SLCO1B3: variants seen among roughly 807,000 people sequenced by gnomAD.
SLCO1B3 encodes the protein solute carrier organic anion transporter family member 1B3.
Under a neutral mutation model 71.8 loss-of-function variants are expected in SLCO1B3, and 72 were observed. The ratio of observed to expected loss-of-function variants is 1.00; its 90% CI spans 0.83 to 1.22. The LOEUF (loss-of-function observed/expected upper bound fraction) is 1.22. Ranked by LOEUF, SLCO1B3 falls within the 50% of genes most tolerant of loss-of-function variation. SLCO1B3 has a pLI of 0.00. For synonymous variants in SLCO1B3, 298 were observed against 278.4 expected (o/e 1.07, Z -0.70); for missense variants, 911 against 819.7 (o/e 1.11, Z -1.36).
intron 3 of SLCO1B3, among the ~76,000 whole-genome samples, chr12:20,847,438 G>A (rs1186413826): frequency 1.3e-5 from 2 of 152,072 alleles, no homozygotes; most frequent in Admixed American, 6.6e-5. Flanking sequence ...CCCTGTGAGG[G>A]TACGAGTAGA....
intron 8 of SLCO1B3, among the ~76,000 whole-genome samples, chr12:20,865,958 A>G (rs1388974281): frequency 6.6e-6 from 1 of 152,082 alleles, no homozygotes; most frequent in Non-Finnish European, 1.5e-5. Flanking sequence ...TCAAGTGTTG[A>G]GAGTATTTAT....
chr12:20,873,636 A>G lies in SLCO1B3; in HGVS notation c.728-1599A>G, dbSNP rs370291479. 8.2e-4 allele frequency among the ~76,000 whole-genome samples: 125 copies of G among 152,340 alleles called. 2 individuals are homozygous for G. In the South Asian group the frequency reaches 0.025, roughly 30 times the overall value. On this transcript the variant is annotated intron_variant, in intron 8 of 15. Coordinates refer to ENST00000381545, the MANE Select transcript of SLCO1B3 (RefSeq NM_019844.4). ...TATTTTACTTTAAGTTCCAGGATAC[A>G]TGTGCAGAATGTACAGGTTTGTTAC...
intron 8 of SLCO1B3, among the ~76,000 whole-genome samples, chr12:20,872,071 C>T (rs1865485020): frequency 6.6e-6 from 1 of 152,010 alleles, no homozygotes; most frequent in Non-Finnish European, 1.5e-5. Context: ...ATCTGTTTTA[C>T]TATGGCTACG....
intron 3 of SLCO1B3, among the ~76,000 whole-genome samples, chr12:20,834,675 G>T (rs924053392): frequency 1.2e-4 from 18 of 151,958 alleles, no homozygotes; most frequent in South Asian, 4.1e-4. Flanking sequence ...CAAGAGGTGG[G>T]TCCCTCAGTC....
chr12:20,827,248 A>G (rs752232572), intron 3 of SLCO1B3, among the ~76,000 whole-genome samples: 1 of 152,218 alleles, frequency 6.6e-6, no homozygotes, highest in Non-Finnish European at 1.5e-5. Flanking sequence ...AATCTAAACA[A>G]TAATGTGAAT....
At chr12:20,845,916 A>AC (rs1864909112) in intron 3 of SLCO1B3, among the ~76,000 whole-genome samples, 3 of 151,614 alleles carry the variant, frequency 2.0e-5, no homozygotes, top group Admixed American at 2.0e-4. Flanking sequence ...GGTGCATAAA[A>AC]ATTTAATCTC....
At chr12:20,885,982 T>C (rs894130886) in intron 13 of SLCO1B3, among the ~76,000 whole-genome samples, 7 of 152,098 alleles carry the variant, frequency 4.6e-5, no homozygotes, top group African/African-American at 1.7e-4. Flanking sequence ...TTCTTCACAA[T>C]GAGGTATTAT....
intron 3 of SLCO1B3, among the ~76,000 whole-genome samples, chr12:20,818,037 A>C (rs1268291059): frequency 6.6e-6 from 1 of 152,102 alleles, no homozygotes; most frequent in African/African-American, 2.4e-5. Flanking sequence ...GAGTATGACT[A>C]GACAGAAGAT....
intron 15 of SLCO1B3, among the ~76,000 whole-genome samples, chr12:20,904,450 G>C (rs752946958): frequency 5.9e-5 from 9 of 152,104 alleles, no homozygotes; most frequent in Admixed American, 2.0e-4. Context: ...TGATGCAAGA[G>C]ATTTGTGCCC....
chr12:20,912,667 G>A (rs1012803022), intron 15 of SLCO1B3, among the ~76,000 whole-genome samples: 2 of 151,642 alleles, frequency 1.3e-5, no homozygotes, highest in Admixed American at 1.3e-4. Context: ...GGGATTACAG[G>A]CCTGCACCCC....
intron 3 of SLCO1B3, among the ~76,000 whole-genome samples, chr12:20,840,030 C>T (rs1049210216): frequency 3.3e-5 from 5 of 152,096 alleles, no homozygotes; most frequent in South Asian, 2.1e-4. Flanking sequence ...ATTTTTATCT[C>T]GGCTTAAATT....
At chr12:20,898,557 A>C (rs1020781084) in intron 14 of SLCO1B3, 57 bp downstream of exon 14, 1 of 769,768 alleles carries the variant, frequency 1.3e-6, no homozygotes, top group African/African-American at 1.8e-5. Flanking sequence ...GTTAAATACT[A>C]AAGACTGAAT....
chr12:20,819,377 C>A (rs1285237827), intron 3 of SLCO1B3, among the ~76,000 whole-genome samples: 1 of 152,124 alleles, frequency 6.6e-6, no homozygotes, highest in Non-Finnish European at 1.5e-5. Flanking sequence ...GTCTGTGAAG[C>A]CTTGTGGCAG....
rs1290037857 is a variant in SLCO1B3 at position 20,854,341 on chromosome 12, A to C, written c.85-687A>C. Among the ~76,000 whole-genome samples, 3 of 151,896 alleles carry C rather than the reference A, an allele frequency of 2.0e-5. No homozygotes were observed. In the East Asian group the frequency reaches 5.8e-4, roughly 29 times the overall value. On this transcript the variant is annotated intron_variant, in intron 3 of 15. Coordinates refer to ENST00000381545, the MANE Select transcript of SLCO1B3 (RefSeq NM_019844.4). Reference sequence around the variant, plus strand: ...TTATGTTACTGTCCATTTTTCCTTCAGTTGTATCTATGTTTGTTTCATATA... The same window carrying C: ...TTATGTTACTGTCCATTTTTCCTTCCGTTGTATCTATGTTTGTTTCATATA...
At chr12:20,886,962 C>G (rs2121324890) in intron 13 of SLCO1B3, among the ~76,000 whole-genome samples, 1 of 151,964 alleles carries the variant, frequency 6.6e-6, no homozygotes, top group East Asian at 1.9e-4. Flanking sequence ...AAAGTAAGTA[C>G]ATGCATTTTT....
intron 3 of SLCO1B3, among the ~76,000 whole-genome samples, chr12:20,838,699 A>G (rs757492848): frequency 6.6e-6 from 1 of 152,064 alleles, no homozygotes; most frequent in South Asian, 2.1e-4. Flanking sequence ...GTATCTAAGC[A>G]TAGAAAAAGT....
chr12:20,833,985 CATAT>C (rs34766640), intron 3 of SLCO1B3, among the ~76,000 whole-genome samples: 5 of 145,030 alleles, frequency 3.4e-5, no homozygotes, highest in Non-Finnish European at 7.5e-5. Flanking sequence ...ACATAGTAAA[CATAT>C]ATGTCTATGT....
At chr12:20,906,111 T>C (rs1041447710) in intron 15 of SLCO1B3, among the ~76,000 whole-genome samples, 5 of 151,946 alleles carry the variant, frequency 3.3e-5, no homozygotes, top group Non-Finnish European at 5.9e-5. Context: ...CCAGGCCCCT[T>C]CTCCAATATA....
chr12:20,862,399 CTT>C lies in SLCO1B3; in HGVS notation c.482-12_482-11del, dbSNP rs777646262. 1.3e-6 allele frequency: 2 copies of C among 1,598,074 alleles called. No homozygotes were observed. The highest frequency in any genetic ancestry group is 2.7e-5 in the African/African-American group (2 of 74,278). On this transcript the variant is annotated splice_polypyrimidine_tract_variant and intron_variant, in intron 6 of 15. Coordinates refer to ENST00000381545, the MANE Select transcript of SLCO1B3 (RefSeq NM_019844.4). ...ATTAATGTTTAAAGTAAAACACTCT[CTT>C]GTCTCGATAGATTGTGTAAAGGAAT...
Sources: gnomAD v4.1 joint callset for allele counts (sites outside exome capture counted in the v4.1 genomes callset) on GRCh38, gnomAD v4.1.1 for gene constraint, MANE v1.5 for transcripts, NCBI Gene and HGNC (gene_info 2026-07-23, HGNC 2026-07-21) for gene names.